COL23A1: variants seen among roughly 807,000 people sequenced by gnomAD.
COL23A1 encodes the protein collagen alpha-1(XXIII) chain.
A neutral mutation model predicts 99.3 loss-of-function variants in COL23A1; 97 were observed. The ratio of observed to expected loss-of-function variants is 0.98; its 90% CI spans 0.83 to 1.16. COL23A1 has a LOEUF of 1.16. Among genes scored for constraint, COL23A1 ranks in the 50% most tolerant of loss-of-function variants. The pLI is 0.00. For missense variants in COL23A1, 762 were observed against 757.4 expected (o/e 1.01, Z -0.07); for synonymous variants, 320 against 308.2 (o/e 1.04, Z -0.40).
At chr5:178,351,409 A>G (rs567092627) in intron 2 of COL23A1, among the ~76,000 whole-genome samples, 3 of 152,296 alleles carry the variant, frequency 2.0e-5, no homozygotes, top group African/African-American at 7.2e-5. Flanking sequence ...TGCCTTGGCG[A>G]GCCTTGCTGG....
In COL23A1 at chr5:178,250,479, G is replaced by A. The variant is rs1019082926; in HGVS notation, c.1015-374C>T. Among the ~76,000 whole-genome samples, 5 of 152,340 alleles carry A rather than the reference G, an allele frequency of 3.3e-5. No individual in the cohort carries two copies. The East Asian group carries it at 9.6e-4, about 29-fold the overall frequency. ...ACGAATGGTGCAGGCCACAGGGTGT[G>A]CAAGCTGTCCACCTGCCAGACTGGT... On this transcript the variant is annotated intron_variant, in intron 17 of 28. Coordinates refer to ENST00000390654, the MANE Select transcript of COL23A1 (RefSeq NM_173465.4).
chr5:178,528,952 CT>C (rs1760482975), intron 2 of COL23A1, among the ~76,000 whole-genome samples: 1 of 152,370 alleles, frequency 6.6e-6, no homozygotes, highest in African/African-American at 2.4e-5. Flanking sequence ...TATCAGTTAC[CT>C]ATCACCTCAA....
At position 178,490,226 on chromosome 5, in the gene COL23A1, C is replaced by CA. The variant is rs372075827; in HGVS notation, c.361+70455dup. 6.4e-3 allele frequency among the ~76,000 whole-genome samples: 950 copies of CA among 149,302 alleles called. 13 individuals carry two copies. The highest frequency in any genetic ancestry group is 0.022 in the African/African-American group (909 of 40,526). The stretch of plus-strand genomic sequence containing the variant: ...GGGCAACAAGAGTGAAATTCCATCT[C>CA]AAAAAAAACAAAAAACAAAAAACAA... On this transcript the variant is annotated intron_variant, in intron 2 of 28. Coordinates refer to ENST00000390654, the MANE Select transcript of COL23A1 (RefSeq NM_173465.4).
In COL23A1 at chr5:178,503,673, G is replaced by T. The variant is rs1182291881; in HGVS notation, c.361+57009C>A. Among the ~76,000 whole-genome samples the T allele has an allele frequency of 2.0e-5, 3 of 152,126 alleles. No individual in the cohort carries two copies. The East Asian group carries it at 5.8e-4, about 29-fold the overall frequency. ...GCGAAAAGGGAGGGAGGGAGAGAGA[G>T]ATAAATAATTTTAAGAATGGGGTAA... On this transcript the variant is annotated intron_variant, in intron 2 of 28. Transcript: ENST00000390654.
intron 2 of COL23A1, among the ~76,000 whole-genome samples, chr5:178,504,447 T>G (rs1372455291): frequency 6.6e-6 from 1 of 152,016 alleles, no homozygotes; most frequent in Non-Finnish European, 1.5e-5. Flanking sequence ...AACGAGAGGA[T>G]GGGGACAGGC....
intron 2 of COL23A1, among the ~76,000 whole-genome samples, chr5:178,379,622 C>T (rs993542864): frequency 6.6e-6 from 1 of 152,252 alleles, no homozygotes; most frequent in Non-Finnish European, 1.5e-5. Context: ...TGGCTCACAC[C>T]TGTAATCCCA....
At chr5:178,484,770 TGA>T (rs1179634639) in intron 2 of COL23A1, among the ~76,000 whole-genome samples, 1 of 134,396 alleles carries the variant, frequency 7.4e-6, no homozygotes, top group African/African-American at 2.8e-5. Context: ...TGCAGTGAGC[TGA>T]GATCGCGCCA....
intron 4 of COL23A1, 126 bp from the exon 5 acceptor site, chr5:178,288,476 G>T (rs2913833): frequency 0.64 from 535,927 of 835,486 alleles, 179,747 homozygotes; most frequent in Non-Finnish European, 0.73. Flanking sequence ...TTCCTCTGCA[G>T]CGGGAGGACT....
intron 6 of COL23A1, 122 bp downstream of exon 6, chr5:178,270,215 G>T: frequency 1.7e-6 from 2 of 1,144,128 alleles, no homozygotes; most frequent in Non-Finnish European, 2.6e-6. Flanking sequence ...CACCCAAAAG[G>T]CTTCTCTCTG....
At chr5:178,283,633 C>T (rs1757012773) in intron 5 of COL23A1, among the ~76,000 whole-genome samples, 1 of 152,170 alleles carries the variant, frequency 6.6e-6, no homozygotes, top group Non-Finnish European at 1.5e-5. Context: ...GTCACTAAAG[C>T]TTAATGTTAA....
At chr5:178,422,076 C>A (rs1269731523) in intron 2 of COL23A1, among the ~76,000 whole-genome samples, 1 of 152,188 alleles carries the variant, frequency 6.6e-6, no homozygotes, top group African/African-American at 2.4e-5. Flanking sequence ...TATCTCAGGG[C>A]CCTTCACTTT....
chr5:178,247,480 C>A (rs1289809850), intron 22 of COL23A1, 46 bp downstream of exon 22: 2 of 1,610,930 alleles, frequency 1.2e-6, no homozygotes, highest in African/African-American at 1.3e-5. Flanking sequence ...TGGAAACTGC[C>A]CAGACGGTGA....
At chr5:178,258,248 T>A (rs199949549) in intron 12 of COL23A1, among the ~76,000 whole-genome samples, 2 of 95,402 alleles carry the variant, frequency 2.1e-5, no homozygotes, top group African/African-American at 3.9e-5. Flanking sequence ...TATATATATA[T>A]ATATATATAT....
At chr5:178,298,560 C>A (rs1757870690) in intron 3 of COL23A1, among the ~76,000 whole-genome samples, 1 of 152,192 alleles carries the variant, frequency 6.6e-6, no homozygotes, top group African/African-American at 2.4e-5. Flanking sequence ...CAGCCCCACA[C>A]CTGCTCCTCT....
At position 178,239,174 on chromosome 5, in the gene COL23A1, G is replaced by A. The variant is rs751088567; in HGVS notation, c.1587C>T (p.Pro529=). 1.6e-5 allele frequency: 26 copies of A among 1,613,924 alleles called. No homozygotes were observed. The highest frequency in any genetic ancestry group is 1.2e-4 in the South Asian group (11 of 91,084). ...AGCAGCCAGGCACAGGCAGCCCGTCGGGGCCCTGGAAAGGAAGAAGGTTTC... is the reference window on the plus strand; with the variant it reads ...AGCAGCCAGGCACAGGCAGCCCGTCAGGGCCCTGGAAAGGAAGAAGGTTTC... ...PGLDQPCPVG[P]DGLPVPGCWH... is the part of the protein sequence containing the mutation. Residue 529 remains proline (P), a synonymous_variant, in exon 28 of 29, where the codon CCC becomes CCT. Coordinates refer to ENST00000390654, the MANE Select transcript of COL23A1 (RefSeq NM_173465.4).
chr5:178,423,298 T>C (rs181230441), intron 2 of COL23A1, among the ~76,000 whole-genome samples: 2 of 152,256 alleles, frequency 1.3e-5, no homozygotes, highest in Admixed American at 1.3e-4. Context: ...ATTTTGCATT[T>C]TGATCTTTCA....
chr5:178,354,799 G>GTA (rs561518380), intron 2 of COL23A1, among the ~76,000 whole-genome samples: 88 of 152,278 alleles, frequency 5.8e-4, no homozygotes, highest in African/African-American at 2.0e-3. Context: ...GCTCATGCCT[G>GTA]TAATCCTAGC....
rs70994994 is a variant in COL23A1 at position 178,282,052 on chromosome 5, C to CAAAAAAAAAAAAAA, written c.441+6258_441+6271dup. 2.3e-4 allele frequency among the ~76,000 whole-genome samples: 23 copies of CAAAAAAAAAAAAAA among 98,684 alleles called. No individual in the cohort carries two copies. The South Asian group carries it at 3.8e-3, about 16-fold the overall frequency. The allele number at this position is 98,684 out of a possible 152,430, so 64.7% of individuals were successfully genotyped here. On this transcript the variant is annotated intron_variant, in intron 5 of 28. Transcript: ENST00000390654. ...GGGCGACAGAGCAAGACACTGTCTC[C>CAAAAAAAAAAAAAA]AAAAAAAAAAAAAAAAGATGGGGTT...
chr5:178,356,510 G>A (rs1761662184), intron 2 of COL23A1, among the ~76,000 whole-genome samples: 2 of 152,194 alleles, frequency 1.3e-5, no homozygotes, highest in African/African-American at 4.8e-5. Context: ...AGGGGCCTGA[G>A]CCCTGGAGGC....
Sources: gnomAD v4.1 joint callset for allele counts (sites outside exome capture counted in the v4.1 genomes callset) on GRCh38, gnomAD v4.1.1 for gene constraint, MANE v1.5 for transcripts, NCBI Gene and HGNC (gene_info 2026-07-23, HGNC 2026-07-21) for gene names.